Variants in PM20D2 observed in about 807,000 individuals in gnomAD.
The protein encoded by PM20D2 is peptidase M20 domain containing 2, also known as xaa-Arg dipeptidase.
PM20D2 carries 33 observed loss-of-function variants against 42.9 expected under a neutral mutation model. That is an observed-to-expected ratio of 0.77 (90% CI 0.58 to 1.03). PM20D2 has a LOEUF of 1.03. Ranked by LOEUF, PM20D2 falls within the 50% of genes least tolerant of loss-of-function variation. The probability of loss-of-function intolerance (pLI) is 0.00; values close to 1 mark genes in which losing one functional copy is unlikely to be tolerated. For synonymous variants in PM20D2, 250 were observed against 228.2 expected, an observed-to-expected ratio of 1.10 and a Z score of -0.86; for missense variants, 548 against 557.0, an observed-to-expected ratio of 0.98 and a Z score of 0.16.
intron 2 of PM20D2, among the ~76,000 whole-genome samples, chr6:89,151,368 T>C (rs1331354962): frequency 6.6e-6 from 1 of 152,000 alleles, no homozygotes; most frequent in Non-Finnish European, 1.5e-5. Flanking sequence ...GACCTGGAAT[T>C]ACAGGCAAGC....
chr6:89,130,495 C>T, the PM20D2 span, among the ~76,000 whole-genome samples: 4 of 152,334 alleles, frequency 2.6e-5, no homozygotes, highest in South Asian at 8.3e-4. Context: ...GTAACCAACT[C>T]TCCAATCTAG....
the PM20D2 span, among the ~76,000 whole-genome samples, chr6:89,117,252 A>C: frequency 6.6e-6 from 1 of 152,206 alleles, no homozygotes; most frequent in South Asian, 2.1e-4. Context: ...CATTCATTGA[A>C]GTTATTTTTT....
At chr6:89,127,363 T>A in the PM20D2 span, among the ~76,000 whole-genome samples, 3 of 148,136 alleles carry the variant, frequency 2.0e-5, no homozygotes, top group African/African-American at 7.5e-5. Flanking sequence ...GGAGTGTCAC[T>A]CTCTTGCCCA....
Position 89,163,217 on chromosome 6 carries a change from A to T in PM20D2, c.*954A>T, listed in dbSNP as rs1197024971. ...ATCAGAGTTTAAAGTAGCTTCGTGG[A>T]TGGACCATGATCCTAAGATGAGTTT... On this transcript the variant is annotated 3_prime_UTR_variant, in exon 7 of 7. Transcript: ENST00000275072. 6.6e-6 allele frequency: 1 copy of T among 152,224 alleles called. No individual in the cohort carries two copies. The highest frequency in any genetic ancestry group is 2.4e-5 in the African/African-American group (1 of 41,456). The allele number at this position is 152,224 out of a possible 1,614,324, so 9.4% of individuals were successfully genotyped here.
At chr6:89,105,733 G>A in the PM20D2 span, 1 of 334,620 alleles carries the variant, frequency 3.0e-6, no homozygotes, top group South Asian at 8.3e-5. Context: ...AGAAGAGTGA[G>A]TCTAAAAATA....
At chr6:89,155,749 C>T (rs1317284123) in intron 4 of PM20D2, among the ~76,000 whole-genome samples, 4 of 152,156 alleles carry the variant, frequency 2.6e-5, no homozygotes. Context: ...TGCTCTATTG[C>T]CCAGGCTGGA....
the PM20D2 span, among the ~76,000 whole-genome samples, chr6:89,136,775 A>G: frequency 6.6e-6 from 1 of 151,064 alleles, no homozygotes; most frequent in Non-Finnish European, 1.5e-5. Flanking sequence ...TTCCCTCAGA[A>G]TAAATTTCTG....
the PM20D2 span, among the ~76,000 whole-genome samples, chr6:89,129,269 G>C: frequency 6.6e-6 from 1 of 152,078 alleles, no homozygotes; most frequent in African/African-American, 2.4e-5. Flanking sequence ...ATGTGTATTT[G>C]TACAATAGCA....
chr6:89,137,171 A>T, the PM20D2 span, among the ~76,000 whole-genome samples: 3 of 152,066 alleles, frequency 2.0e-5, no homozygotes, highest in South Asian at 4.1e-4. Context: ...ACATTAATTT[A>T]AAAAATATAC....
rs1012612748 is a variant in PM20D2 at position 89,163,851 on chromosome 6, C to T, written c.*1588C>T. 1 of 152,058 alleles carries T rather than the reference C, an allele frequency of 6.6e-6. No individual in the cohort carries two copies. The highest frequency in any genetic ancestry group is 1.5e-5 in the Non-Finnish European group (1 of 67,992). The allele number at this position is 152,058 out of a possible 1,614,324, so 9.4% of individuals were successfully genotyped here. On this transcript the variant is annotated 3_prime_UTR_variant, in exon 7 of 7. Coordinates refer to ENST00000275072, the MANE Select transcript of PM20D2 (RefSeq NM_001010853.3). The stretch of plus-strand genomic sequence containing the variant: ...GAAACCTTTTTCTCAAATACCAACT[C>T]TTGGCTATGTTAAATTTGTAGACTT...
At chr6:89,126,736 C>A in the PM20D2 span, among the ~76,000 whole-genome samples, 2 of 151,208 alleles carry the variant, frequency 1.3e-5, no homozygotes, top group African/African-American at 4.9e-5. Context: ...CAATGACCAG[C>A]CCAGTACCAT....
chr6:89,138,854 G>A, the PM20D2 span, among the ~76,000 whole-genome samples: 1 of 152,108 alleles, frequency 6.6e-6, no homozygotes, highest in Admixed American at 6.6e-5. Flanking sequence ...GACAGTGTGA[G>A]ACTCTGTCTT....
chr6:89,145,114 A>G (rs778975135), upstream of PM20D2, among the ~76,000 whole-genome samples: 3 of 152,240 alleles, frequency 2.0e-5, no homozygotes, highest in Non-Finnish European at 4.4e-5. Context: ...AGCTGATAGA[A>G]GCTTTTAATA....
In PM20D2 at chr6:89,146,276, G is replaced by A. The variant is rs757390637; in HGVS notation, c.132G>A (p.Ala44=). The change falls in exon 1 of 7, where the codon GCG becomes GCA. Residue 44 remains alanine, a synonymous_variant. Transcript: ENST00000275072. Reference sequence around the variant, plus strand: ...AGCGGCTGGGGGCCCTGAGCCGCGCGATCTGGAGCCAGCCCGAGCTGGCCT... The same window carrying A: ...AGCGGCTGGGGGCCCTGAGCCGCGCAATCTGGAGCCAGCCCGAGCTGGCCT... ...AAERLGALSR[A]IWSQPELAYE... is the part of the protein sequence containing the mutation. The A allele has an allele frequency of 5.7e-6, 9 of 1,581,088 alleles. No individual in the cohort carries two copies. In the Admixed American group the frequency reaches 1.4e-4, roughly 24 times the overall value.
intron 4 of PM20D2, among the ~76,000 whole-genome samples, 155 bp from the exon 5 acceptor site, chr6:89,158,165 TTTTTC>T (rs1771114539): frequency 6.6e-6 from 1 of 152,168 alleles, no homozygotes; most frequent in Non-Finnish European, 1.5e-5. Flanking sequence ...AAATAAATCT[TTTTTC>T]TTTTTTAAGG....
the PM20D2 span, among the ~76,000 whole-genome samples, chr6:89,104,687 T>C: frequency 3.3e-5 from 5 of 152,176 alleles, no homozygotes; most frequent in African/African-American, 1.2e-4. Flanking sequence ...AAGAGTGTTA[T>C]CTTTTAACAA....
the PM20D2 span, chr6:89,107,348 A>C: frequency 1.1e-6 from 1 of 933,310 alleles, no homozygotes; most frequent in Non-Finnish European, 1.7e-6. Flanking sequence ...CTTCAAAAGA[A>C]AGAACATCAT....
chr6:89,144,143 G>T (rs1412180664), upstream of PM20D2, among the ~76,000 whole-genome samples: 1 of 152,088 alleles, frequency 6.6e-6, no homozygotes, highest in Non-Finnish European at 1.5e-5. Context: ...GAATACATAC[G>T]TGCCTGTGGG....
intron 3 of PM20D2, among the ~76,000 whole-genome samples, chr6:89,154,095 C>T (rs979737437): frequency 6.6e-6 from 1 of 151,964 alleles, no homozygotes; most frequent in Non-Finnish European, 1.5e-5. Flanking sequence ...ACCAGTTTTC[C>T]TGCTTTAGTT....
Sources: allele counts gnomAD v4.1 joint callset (sites outside exome capture counted in the v4.1 genomes callset), GRCh38; gene constraint gnomAD v4.1.1; transcripts MANE v1.5; gene names NCBI Gene and HGNC (gene_info 2026-07-23, HGNC 2026-07-21).